Variants in CSMD1 observed in about 807,000 individuals in gnomAD.
CSMD1 encodes CUB and Sushi multiple domains 1.
In CSMD1, 213 loss-of-function variants were observed where a neutral mutation model predicts 417.5. That is an observed-to-expected ratio of 0.51 (90% confidence interval 0.46 to 0.57). CSMD1 has a LOEUF of 0.57. Among genes scored for constraint, CSMD1 ranks in the 20% least tolerant of loss-of-function variants. The pLI is 0.00. For missense variants in CSMD1, 6,923 were observed against 4,529.7 expected (o/e 1.53, Z -15.17); for synonymous variants, 2,862 against 1,736.8 (o/e 1.65, Z -16.11).
rs142139780 is a variant in CSMD1, at chr8:4,433,671, C to G, written c.303-13606G>C. 1.5e-3 allele frequency among the ~76,000 whole-genome samples: 224 copies of G among 152,286 alleles called. 2 individuals are homozygous for G. Among genetic ancestry groups the G allele is most frequent in the Non-Finnish European group, 1.4e-3 (92 of 68,024 alleles). ...CCTTGTCTGAAAGAGCTACACTCTC[C>G]CACTTGCAGTCATTCACCTGGCATG... On this transcript the variant is annotated intron_variant, in intron 2 of 69. Transcript: ENST00000635120.
rs918414423 is a variant in CSMD1 at position 4,506,067 on chromosome 8, A to C, written c.303-86002T>G. Among the ~76,000 whole-genome samples the C allele has an allele frequency of 2.6e-5, 4 of 152,142 alleles. No individual in the cohort carries two copies. In the East Asian group the frequency reaches 7.7e-4, roughly 29 times the overall value. On this transcript the variant is annotated intron_variant, in intron 2 of 69. Transcript: ENST00000635120. ...GAACATCTAACATGTAAAGCAATCA[A>C]AAGCCATTCGAATAACCAAAATTAA...
chr8:4,659,272 A>AT (rs1804434164), intron 1 of CSMD1, among the ~76,000 whole-genome samples: 1 of 75,120 alleles, frequency 1.3e-5, no homozygotes. Flanking sequence ...AGAAGAAAAG[A>AT]TCAATTAACA....
At chr8:3,250,970 G>C (rs913465647) in intron 26 of CSMD1, among the ~76,000 whole-genome samples, 1 of 152,224 alleles carries the variant, frequency 6.6e-6, no homozygotes, top group East Asian at 1.9e-4. Flanking sequence ...TTAGCCCTTT[G>C]TCAGATGAGT....
At chr8:4,745,437 T>C (rs1044330502) in intron 1 of CSMD1, among the ~76,000 whole-genome samples, 4 of 151,060 alleles carry the variant, frequency 2.6e-5, no homozygotes, top group Admixed American at 1.3e-4. Context: ...CTATGTATAG[T>C]ATTGAAAGAA....
At chr8:3,637,248 C>G (rs1038665900) in intron 7 of CSMD1, among the ~76,000 whole-genome samples, 3 of 152,142 alleles carry the variant, frequency 2.0e-5, no homozygotes, top group Non-Finnish European at 4.4e-5. Context: ...CAGAATAATC[C>G]TTACCTAAAA....
intron 3 of CSMD1, among the ~76,000 whole-genome samples, chr8:4,394,090 C>G (rs1053618223): frequency 1.3e-5 from 2 of 152,168 alleles, no homozygotes; most frequent in African/African-American, 4.8e-5. Flanking sequence ...CCTCAATCCT[C>G]TCAGAGCACT....
At position 4,449,876 on chromosome 8, in the gene CSMD1, G is replaced by C. The variant is rs149550670; in HGVS notation, c.303-29811C>G. ...CATCCTCACCCAGTTTCTTTACTTA[G>C]CAATCTCAACCTCCATAACATATGT... On this transcript the variant is annotated intron_variant, in intron 2 of 69. Transcript: ENST00000635120. Among the ~76,000 whole-genome samples, 275 of 152,220 alleles carry C rather than the reference G, an allele frequency of 1.8e-3. 2 individuals carry two copies. The highest frequency in any genetic ancestry group is 6.4e-3 in the African/African-American group (265 of 41,540).
intron 5 of CSMD1, among the ~76,000 whole-genome samples, chr8:3,948,908 ACT>A (rs1262404498): frequency 6.6e-6 from 1 of 152,014 alleles, no homozygotes; most frequent in Non-Finnish European, 1.5e-5. Context: ...TTTTCAGAAC[ACT>A]GACTGGTACA....
intron 5 of CSMD1, among the ~76,000 whole-genome samples, chr8:3,992,540 T>C (rs1333546356): frequency 6.6e-6 from 1 of 152,166 alleles, no homozygotes; most frequent in Non-Finnish European, 1.5e-5. Context: ...ATTCCACACT[T>C]TGGGAGGCTG....
intron 2 of CSMD1, among the ~76,000 whole-genome samples, chr8:4,613,600 T>C (rs2725040): frequency 0.53 from 80,565 of 152,008 alleles, 22,555 homozygotes; most frequent in African/African-American, 0.72. Context: ...TGGACTTTTT[T>C]CACCCTCTTT....
intron 1 of CSMD1, among the ~76,000 whole-genome samples, chr8:4,946,229 C>G (rs1054708014): frequency 6.6e-6 from 1 of 152,204 alleles, no homozygotes; most frequent in Non-Finnish European, 1.5e-5. Flanking sequence ...AAATCCCTGT[C>G]TTGTTACGTT....
intron 41 of CSMD1, among the ~76,000 whole-genome samples, chr8:3,131,471 ATTTTTTT>A (rs36009515): frequency 1.4e-5 from 2 of 142,234 alleles, no homozygotes; most frequent in East Asian, 2.0e-4. Context: ...GCTAATACTA[ATTTTTTT>A]TTTTTTTTTT....
intron 5 of CSMD1, among the ~76,000 whole-genome samples, chr8:3,983,873 G>C (rs1006441293): frequency 6.6e-6 from 1 of 151,688 alleles, no homozygotes; most frequent in African/African-American, 2.4e-5. Context: ...GCACACAGCA[G>C]ATCTAATGGG....
chr8:4,022,534 G>C (rs575263511), intron 4 of CSMD1, among the ~76,000 whole-genome samples: 2 of 152,154 alleles, frequency 1.3e-5, no homozygotes, highest in East Asian at 1.9e-4. Flanking sequence ...GTGAAACTGA[G>C]GCACAAGAAG....
chr8:2,982,181 C>A (rs1180422985), intron 54 of CSMD1, among the ~76,000 whole-genome samples: 1 of 152,042 alleles, frequency 6.6e-6, no homozygotes, highest in African/African-American at 2.4e-5. Flanking sequence ...CACGGCGAAA[C>A]CCCATCTCTA....
At chr8:3,728,109 A>T (rs963361867) in intron 6 of CSMD1, among the ~76,000 whole-genome samples, 2 of 152,202 alleles carry the variant, frequency 1.3e-5, no homozygotes, top group African/African-American at 4.8e-5. Context: ...TGTAGCTCCC[A>T]TAATTCCCAC....
chr8:4,074,510 A>C (rs1052431980), intron 3 of CSMD1, among the ~76,000 whole-genome samples: 1 of 152,166 alleles, frequency 6.6e-6, no homozygotes, highest in Admixed American at 6.5e-5. Context: ...GATACTTTAC[A>C]AAACATGATA....
At chr8:4,614,741 G>A (rs890198612) in intron 2 of CSMD1, among the ~76,000 whole-genome samples, 1 of 152,006 alleles carries the variant, frequency 6.6e-6, no homozygotes. Context: ...AATTACAGTG[G>A]AAAGACTGTC....
chr8:3,694,150 C>G (rs552439838), intron 7 of CSMD1, among the ~76,000 whole-genome samples: 50 of 151,826 alleles, frequency 3.3e-4, no homozygotes, highest in Middle Eastern at 6.8e-3. Context: ...TGTGTACATG[C>G]TGGAGAGGGG....
Sources: gnomAD v4.1 joint callset for allele counts (sites outside exome capture counted in the v4.1 genomes callset) on GRCh38, gnomAD v4.1.1 for gene constraint, MANE v1.5 for transcripts, NCBI Gene and HGNC (gene_info 2026-07-23, HGNC 2026-07-21) for gene names.